The following RCAN1 variants were observed in gnomAD, a reference collection of about 807,000 sequenced individuals.
RCAN1 encodes the protein calcipressin-1.
A neutral mutation model predicts 22.9 loss-of-function variants in RCAN1; 11 were observed. That is an observed-to-expected ratio of 0.48 (90% CI 0.30 to 0.79). The LOEUF (loss-of-function observed/expected upper bound fraction) is 0.79, where lower values mean the gene tolerates loss of function less well. Among genes scored for constraint, RCAN1 ranks in the 30% least tolerant of loss-of-function variants. RCAN1 has a pLI of 0.06. For synonymous variants in RCAN1, 136 were observed against 142.3 expected (o/e 0.96, Z 0.32); for missense variants, 291 against 337.8 (o/e 0.86, Z 1.09).
intron 1 of RCAN1, among the ~76,000 whole-genome samples, chr21:34,607,839 C>T (rs1310636751): frequency 3.3e-5 from 5 of 152,198 alleles, no homozygotes; most frequent in Non-Finnish European, 7.3e-5. Flanking sequence ...TGTTAGGAAG[C>T]GGGCCACACA....
At chr21:34,563,205 C>G (rs1033670646) in intron 1 of RCAN1, among the ~76,000 whole-genome samples, 1 of 152,156 alleles carries the variant, frequency 6.6e-6, no homozygotes, top group Non-Finnish European at 1.5e-5. Flanking sequence ...ACAGTAAAAT[C>G]TAGCATAAAA....
intron 1 of RCAN1, among the ~76,000 whole-genome samples, chr21:34,528,788 G>A (rs1985216769): frequency 6.6e-6 from 1 of 152,130 alleles, no homozygotes; most frequent in South Asian, 2.1e-4. Context: ...AGACAGAAGA[G>A]GCTAATTTAG....
chr21:34,532,963 C>T (rs1659227361), intron 1 of RCAN1, among the ~76,000 whole-genome samples: 1 of 141,612 alleles, frequency 7.1e-6, no homozygotes, highest in Non-Finnish European at 1.5e-5. Context: ...ACAAAATAAA[C>T]TTTTTTTTTT....
intron 1 of RCAN1, among the ~76,000 whole-genome samples, chr21:34,556,187 G>C (rs1385793749): frequency 1.3e-5 from 2 of 150,598 alleles, no homozygotes; most frequent in African/African-American, 2.4e-5. Context: ...ACTTTGGGAG[G>C]CTGAGGCGGG....
intron 1 of RCAN1, among the ~76,000 whole-genome samples, chr21:34,537,781 C>T (rs931463206): frequency 6.6e-6 from 1 of 152,172 alleles, no homozygotes. Flanking sequence ...CAATTTACAC[C>T]GAATTATACA....
chr21:34,518,327 C>A lies in RCAN1; in HGVS notation c.587-71G>T. 2 of 1,522,018 alleles carry A rather than the reference C, an allele frequency of 1.3e-6. No homozygotes were observed. The highest frequency in any genetic ancestry group is 1.4e-5 in the African/African-American group (1 of 73,254). The allele number at this position is 1,522,018 out of a possible 1,614,324, so 94.3% of individuals were successfully genotyped here. ...GAGTCAAAAGGCAAACATAAAAGAG[C>A]ATTCAGGGCTCTGCTGGGCCAGCTG... On this transcript the variant is annotated intron_variant, in intron 3 of 3. Transcript: ENST00000313806. This position sits in a 1 kb window ranked among gnomAD's most constrained non-coding sequence, Gnocchi z 4.2.
At chr21:34,532,710 A>G (rs1046951333) in intron 1 of RCAN1, among the ~76,000 whole-genome samples, 4 of 152,226 alleles carry the variant, frequency 2.6e-5, no homozygotes, top group African/African-American at 4.8e-5. Context: ...TCTCATTCAC[A>G]TATCCATTCA....
In RCAN1 at chr21:34,568,046, C is replaced by T. The variant is rs185737648; in HGVS notation, c.253-44336G>A. On this transcript the variant is annotated intron_variant, in intron 1 of 3. Transcript: ENST00000313806. The stretch of plus-strand genomic sequence containing the variant: ...GTGTTGGCGGATCTGTATGGCAATA[C>T]TCTTAAGACAGCTTCCACCAGGATG... Among the ~76,000 whole-genome samples the T allele has an allele frequency of 4.1e-4, 63 of 152,290 alleles. 2 individuals are homozygous for T. The East Asian group carries it at 8.7e-3, about 21-fold the overall frequency.
intron 1 of RCAN1, among the ~76,000 whole-genome samples, chr21:34,538,130 T>C (rs541874478): frequency 6.6e-6 from 1 of 152,294 alleles, no homozygotes; most frequent in Non-Finnish European, 1.5e-5. Flanking sequence ...TCATGATTCA[T>C]GGAGGCAAAA....
chr21:34,547,192 G>A (rs1986183026), intron 1 of RCAN1, among the ~76,000 whole-genome samples: 1 of 152,168 alleles, frequency 6.6e-6, no homozygotes, highest in Non-Finnish European at 1.5e-5. Context: ...GGTGCTACAG[G>A]AGCCTGAGCC....
intron 1 of RCAN1, chr21:34,525,038 A>T (rs974786632): frequency 1.3e-6 from 2 of 1,544,776 alleles, no homozygotes; most frequent in African/African-American, 2.7e-5. Context: ...GAAGAAGGGG[A>T]TGGCGCAGGG....
rs200690664 is a variant in RCAN1, at chr21:34,523,669, G to A, written c.294C>T (p.Ile98=). ...ESLFRTYDKD[I]TFQYFKSFKR... Reference sequence around the variant, plus strand: ...TGAAGCTCTTAAAATACTGAAAGGTGATGTCCTTGTCATACGTCCTAAAGA... The same window carrying A: ...TGAAGCTCTTAAAATACTGAAAGGTAATGTCCTTGTCATACGTCCTAAAGA... The change falls in exon 2 of 4, where the codon ATC becomes ATT. Residue 98 remains isoleucine, a synonymous_variant. Coordinates refer to ENST00000313806, the MANE Select transcript of RCAN1 (RefSeq NM_004414.7). 1.0e-3 allele frequency: 1,643 copies of A among 1,614,100 alleles called. 2 individuals are homozygous for A. Among genetic ancestry groups the A allele is most frequent in the Non-Finnish European group, 1.3e-3 (1,563 of 1,180,024 alleles).
At chr21:34,546,200 G>T (rs754832994) in intron 1 of RCAN1, among the ~76,000 whole-genome samples, 1 of 152,070 alleles carries the variant, frequency 6.6e-6, no homozygotes. Flanking sequence ...GAGAAATCAC[G>T]TCAGGCAAGT....
At chr21:34,547,371 C>T (rs1986191301) in intron 1 of RCAN1, among the ~76,000 whole-genome samples, 1 of 152,108 alleles carries the variant, frequency 6.6e-6, no homozygotes, top group African/African-American at 2.4e-5. Context: ...GGGAATGCAC[C>T]CCAGGAAACA....
intron 1 of RCAN1, among the ~76,000 whole-genome samples, chr21:34,580,607 G>A (rs1389410282): frequency 6.6e-6 from 1 of 152,246 alleles, no homozygotes; most frequent in East Asian, 1.9e-4. Flanking sequence ...CCTTGGAGCT[G>A]AAGCTGGGTG....
rs141264632 is a variant in RCAN1, at chr21:34,592,270, T to C, written c.252+22490A>G. On this transcript the variant is annotated intron_variant, in intron 1 of 3. Transcript: ENST00000313806. The stretch of plus-strand genomic sequence containing the variant: ...AGGCCACCCTCTGCCCTGGTCTGCG[T>C]GCAATGCCATGCTGGGCTCAGACAC... Among the ~76,000 whole-genome samples the C allele has an allele frequency of 7.9e-3, 1,206 of 152,300 alleles. 15 individuals are homozygous for C. Among genetic ancestry groups the C allele is most frequent in the African/African-American group, 0.027 (1,142 of 41,556 alleles).
At chr21:34,601,988 G>C (rs1437950821) in intron 1 of RCAN1, among the ~76,000 whole-genome samples, 1 of 152,042 alleles carries the variant, frequency 6.6e-6, no homozygotes, top group Non-Finnish European at 1.5e-5. Flanking sequence ...AAAGAAAATA[G>C]ATGCACAGAA....
chr21:34,517,881 T>C lies in RCAN1; in HGVS notation c.*203A>G. ...CAAACTCAGTGATTGGCCCAAGTCA[T>C]TCCCGGGTGCCATGAACAGTAACTG... On this transcript the variant is annotated 3_prime_UTR_variant, in exon 4 of 4. Transcript: ENST00000313806. The C allele has an allele frequency of 1.6e-6, 1 of 614,628 alleles. No homozygotes were observed. The highest frequency in any genetic ancestry group is 2.8e-6 in the Non-Finnish European group (1 of 351,934). The allele number at this position is 614,628 out of a possible 1,614,324, so 38.1% of individuals were successfully genotyped here.
intron 1 of RCAN1, chr21:34,526,657 C>A (rs758445219): frequency 3.1e-6 from 5 of 1,612,646 alleles, no homozygotes; most frequent in East Asian, 4.5e-5. Context: ...ATATTAGAAG[C>A]CTTACCCTGG....
Sources: allele counts gnomAD v4.1 joint callset (sites outside exome capture counted in the v4.1 genomes callset), GRCh38; gene constraint gnomAD v4.1.1; non-coding constraint Gnocchi (gnomAD v3.1); transcripts MANE v1.5; gene names NCBI Gene and HGNC (gene_info 2026-07-23, HGNC 2026-07-21).